SNX10: variants seen among roughly 807,000 people sequenced by gnomAD.
The protein encoded by SNX10 is sorting nexin-10.
A neutral mutation model predicts 28.5 loss-of-function variants in SNX10; 25 were observed. The ratio of observed to expected loss-of-function variants is 0.88; its 90% CI spans 0.64 to 1.22. SNX10 has a LOEUF of 1.22. Ranked by LOEUF, SNX10 falls within the 50% of genes most tolerant of loss-of-function variation. SNX10 has a pLI of 0.00. For synonymous variants in SNX10, 62 were observed against 81.4 expected (o/e 0.76, Z 1.28); for missense variants, 223 against 242.6 (o/e 0.92, Z 0.54).
rs1436647994 is a variant in SNX10, at chr7:26,346,478, C to G, written c.24+12C>G. On this transcript the variant is annotated intron_variant, in intron 2 of 6. Coordinates refer to ENST00000338523, the MANE Select transcript of SNX10 (RefSeq NM_013322.3). Reference sequence around the variant, plus strand: ...AACAACAGAAAGAGGTATGTCATCACAAATCCAAAAATAAATAACCCACTT... The same window carrying G: ...AACAACAGAAAGAGGTATGTCATCAGAAATCCAAAAATAAATAACCCACTT... 1.9e-6 allele frequency: 3 copies of G among 1,591,716 alleles called. No homozygotes were observed. Among genetic ancestry groups the G allele is most frequent in the Non-Finnish European group, 8.6e-7 (1 of 1,159,846 alleles).
At position 26,304,156 on chromosome 7, in the gene SNX10, G is replaced by A. The variant is rs1393698296; in HGVS notation, c.-24+12070G>A. Among the ~76,000 whole-genome samples the A allele has an allele frequency of 4.0e-4, 61 of 152,234 alleles. 1 individual carries two copies. Among genetic ancestry groups the A allele is most frequent in the Admixed American group, 3.9e-3 (60 of 15,294 alleles). On this transcript the variant is annotated intron_variant, in intron 1 of 6. Transcript: ENST00000338523. ...GGAAACTTGGCTTCTGTAGCCTTGGGTCACTCCTCCTCGGCTTGCCTACTC... is the reference window on the plus strand; with the variant it reads ...GGAAACTTGGCTTCTGTAGCCTTGGATCACTCCTCCTCGGCTTGCCTACTC...
chr7:26,293,115 C>CT (rs1341511657), intron 1 of SNX10: 3 of 152,276 alleles, frequency 2.0e-5, no homozygotes, highest in Non-Finnish European at 4.4e-5. Flanking sequence ...TCAGGGACTC[C>CT]TGCCTTGCCT....
At chr7:26,303,515 AT>A (rs1446698505) in intron 1 of SNX10, among the ~76,000 whole-genome samples, 1 of 151,708 alleles carries the variant, frequency 6.6e-6, no homozygotes, top group Non-Finnish European at 1.5e-5. Flanking sequence ...CTCTTTGTAC[AT>A]TTTTGTCTTC....
At chr7:26,326,841 C>G (rs1193558014) in intron 1 of SNX10, among the ~76,000 whole-genome samples, 1 of 152,008 alleles carries the variant, frequency 6.6e-6, no homozygotes, top group Non-Finnish European at 1.5e-5. Flanking sequence ...TCTGGGATTA[C>G]AGGTGTGAGC....
intron 1 of SNX10, among the ~76,000 whole-genome samples, chr7:26,327,171 A>C (rs1173536163): frequency 4.0e-5 from 6 of 151,758 alleles, no homozygotes; most frequent in African/African-American, 1.2e-4. Flanking sequence ...GGCTTGTCTC[A>C]AACTCCTTAC....
intron 2 of SNX10, chr7:26,354,048 T>C (rs1264144409): frequency 6.6e-6 from 1 of 152,206 alleles, no homozygotes; most frequent in African/African-American, 2.4e-5. Context: ...TAAGTAAATA[T>C]TTTTACAGTT....
intron 5 of SNX10, chr7:26,370,858 C>G (rs1159908750): frequency 2.0e-5 from 3 of 152,134 alleles, no homozygotes; most frequent in Non-Finnish European, 4.4e-5. Flanking sequence ...CTTAGTGTCT[C>G]CTCTTACATA....
chr7:26,311,414 G>T (rs985376631), intron 1 of SNX10, among the ~76,000 whole-genome samples: 34 of 152,226 alleles, frequency 2.2e-4, no homozygotes, highest in African/African-American at 8.2e-4. Flanking sequence ...GCCTCCAAAA[G>T]TGCCACTGCA....
intron 1 of SNX10, among the ~76,000 whole-genome samples, chr7:26,294,547 G>A (rs1786038632): frequency 1.3e-5 from 2 of 152,170 alleles, no homozygotes; most frequent in Admixed American, 1.3e-4. Context: ...GTTTTTATGT[G>A]GCAGTCTCAT....
At chr7:26,357,748 G>A (rs866690976) in intron 2 of SNX10, among the ~76,000 whole-genome samples, 67 of 152,132 alleles carry the variant, frequency 4.4e-4, no homozygotes, top group African/African-American at 1.5e-3. Flanking sequence ...GTGGATTTGG[G>A]GAATGAGTCA....
intron 1 of SNX10, among the ~76,000 whole-genome samples, chr7:26,322,246 A>G (rs1371801008): frequency 1.3e-5 from 2 of 152,216 alleles, no homozygotes; most frequent in Non-Finnish European, 2.9e-5. Context: ...TTCTTGGATT[A>G]CTAAAATGTA....
chr7:26,352,531 C>T (rs1788648095), intron 2 of SNX10, among the ~76,000 whole-genome samples: 1 of 152,220 alleles, frequency 6.6e-6, no homozygotes, highest in Non-Finnish European at 1.5e-5. Context: ...ATTATTAACT[C>T]ATAGCCGAGC....
At chr7:26,322,122 C>T (rs747553262) in intron 1 of SNX10, among the ~76,000 whole-genome samples, 2 of 151,702 alleles carry the variant, frequency 1.3e-5, no homozygotes, top group Non-Finnish European at 3.0e-5. Flanking sequence ...ATACCCCAGG[C>T]AGCCCGTCCT....
Position 26,323,748 on chromosome 7 carries a change from A to G in SNX10, c.-23-22672A>G, listed in dbSNP as rs1420109261. ...GGCAAGACTGCAGAGTCATTAGGAG[A>G]CTATCTTAGCAGTCTGGCTGATGCA... On this transcript the variant is annotated intron_variant, in intron 1 of 6. Transcript: ENST00000338523. Among the ~76,000 whole-genome samples the G allele has an allele frequency of 1.3e-5, 2 of 152,150 alleles. 1 individual carries two copies. Among genetic ancestry groups the G allele is most frequent in the East Asian group, 3.8e-4 (2 of 5,198 alleles).
At chr7:26,336,612 C>T (rs967168705) in intron 1 of SNX10, among the ~76,000 whole-genome samples, 7 of 152,022 alleles carry the variant, frequency 4.6e-5, no homozygotes, top group Non-Finnish European at 7.4e-5. Context: ...GGCTGAGGCA[C>T]GAAAATCCCT....
At chr7:26,357,502 G>T (rs1024724351) in intron 2 of SNX10, among the ~76,000 whole-genome samples, 2 of 151,996 alleles carry the variant, frequency 1.3e-5, no homozygotes, top group Non-Finnish European at 2.9e-5. Flanking sequence ...TGAGGAGTTT[G>T]AACTTGAAGG....
At chr7:26,331,326 C>A (rs1787739949) in intron 1 of SNX10, among the ~76,000 whole-genome samples, 1 of 152,212 alleles carries the variant, frequency 6.6e-6, no homozygotes, top group Non-Finnish European at 1.5e-5. Flanking sequence ...TGGCTCACTC[C>A]TGTAATCCCA....
At chr7:26,326,556 A>G (rs899353516) in intron 1 of SNX10, among the ~76,000 whole-genome samples, 5 of 152,166 alleles carry the variant, frequency 3.3e-5, no homozygotes, top group African/African-American at 1.2e-4. Flanking sequence ...GTGATGGCCA[A>G]CTGGGACACC....
At chr7:26,305,801 A>G (rs1436469498) in intron 1 of SNX10, among the ~76,000 whole-genome samples, 4 of 152,392 alleles carry the variant, frequency 2.6e-5, no homozygotes, top group East Asian at 3.8e-4. Flanking sequence ...AGACAGACAC[A>G]TGTCAAATGC....
Sources: allele counts gnomAD v4.1 joint callset (sites outside exome capture counted in the v4.1 genomes callset), GRCh38; gene constraint gnomAD v4.1.1; transcripts MANE v1.5; gene names NCBI Gene and HGNC (gene_info 2026-07-23, HGNC 2026-07-21).